The following HSPA14 variants were observed in gnomAD, a reference collection of about 807,000 sequenced individuals.
The protein encoded by HSPA14 is heat shock 70 kDa protein 14.
A neutral mutation model predicts 65.5 loss-of-function variants in HSPA14; 37 were observed. The observed-to-expected ratio is 0.56, with a 90% confidence interval of 0.43 to 0.74. The LOEUF (loss-of-function observed/expected upper bound fraction) is 0.74, where lower values mean the gene tolerates loss of function less well. HSPA14 is among the 30% of genes least tolerant of loss of function. HSPA14 has a pLI of 0.00. For synonymous variants in HSPA14, 203 were observed against 214.2 expected (o/e 0.95, Z 0.46); for missense variants, 564 against 607.6 (o/e 0.93, Z 0.75).
At chr10:14,861,285 A>T (rs978606552) in intron 10 of HSPA14, among the ~76,000 whole-genome samples, 1 of 152,120 alleles carries the variant, frequency 6.6e-6, no homozygotes, top group African/African-American at 2.4e-5. Flanking sequence ...TTTCTCTAAG[A>T]TGTGTCCCTT....
In HSPA14 at chr10:14,867,083, G is replaced by A. The variant is rs751249348; in HGVS notation, c.994G>A (p.Val332Ile). 5.6e-6 allele frequency: 9 copies of A among 1,607,596 alleles called. No homozygotes were observed. The highest frequency in any genetic ancestry group is 1.3e-5 in the African/African-American group (1 of 74,766). Residue 332 changes from valine to isoleucine, a missense_variant and splice_region_variant, in exon 11 of 14, where the codon GTT (valine) becomes ATT (isoleucine). Coordinates refer to ENST00000378372, the MANE Select transcript of HSPA14 (RefSeq NM_016299.4). The part of the protein sequence containing the change: ...NGFTADDINK[V>I]VLCGGSSRIP... Reference sequence around the variant, plus strand: ...ACTGAAAATTATTTTTATTCTCTAGGTTGTCCTTTGTGGAGGGTCTTCTCG... The same window carrying A: ...ACTGAAAATTATTTTTATTCTCTAGATTGTCCTTTGTGGAGGGTCTTCTCG...
chr10:14,849,038 G>A (rs1478366555), intron 5 of HSPA14, 143 bp downstream of exon 5: 3 of 541,806 alleles, frequency 5.5e-6, no homozygotes, highest in South Asian at 5.1e-5. Context: ...TGTCGACCTG[G>A]TTGGGGCACT....
At chr10:14,849,869 T>C (rs571245512) in intron 6 of HSPA14, 58 bp downstream of exon 6, 39 of 995,854 alleles carry the variant, frequency 3.9e-5, no homozygotes, top group African/African-American at 3.6e-4. Flanking sequence ...AGTCACTATA[T>C]AGTAAAAGGT....
intron 12 of HSPA14, among the ~76,000 whole-genome samples, chr10:14,869,695 T>TA (rs1832838285): frequency 6.6e-6 from 1 of 152,230 alleles, no homozygotes; most frequent in South Asian, 2.1e-4. Flanking sequence ...AATCTATTGG[T>TA]AAAGTTTTAA....
intron 11 of HSPA14, 63 bp from the exon 12 acceptor site, chr10:14,867,673 G>C (rs926762348): frequency 7.8e-6 from 11 of 1,406,282 alleles, no homozygotes; most frequent in Non-Finnish European, 9.7e-6. Flanking sequence ...TTTATAATGG[G>C]AAGTTTTTTT....
chr10:14,852,309 T>C, intron 7 of HSPA14, 61 bp from the exon 8 acceptor site: 2 of 1,376,546 alleles, frequency 1.5e-6, no homozygotes, highest in Admixed American at 1.9e-5. Context: ...AAGTGACTTC[T>C]AATATCCAAC....
At chr10:14,862,221 G>A (rs926888144) in intron 10 of HSPA14, among the ~76,000 whole-genome samples, 1 of 150,700 alleles carries the variant, frequency 6.6e-6, no homozygotes, top group East Asian at 2.0e-4. Flanking sequence ...GTAGAGATGG[G>A]GTTTCACCGT....
intron 13 of HSPA14, 126 bp from the exon 14 acceptor site, chr10:14,871,402 T>C (rs1232115393): frequency 1.6e-6 from 1 of 628,714 alleles, no homozygotes; most frequent in Non-Finnish European, 2.8e-6. Flanking sequence ...TTCTTTACAT[T>C]AATACCCTTC....
intron 3 of HSPA14, chr10:14,846,701 A>AT: frequency 8.2e-6 from 8 of 973,232 alleles, no homozygotes; most frequent in Non-Finnish European, 9.8e-6. Flanking sequence ...GAACAGATGA[A>AT]TGTATGAGCA....
At chr10:14,849,235 G>A (rs574162420) in intron 5 of HSPA14, among the ~76,000 whole-genome samples, 42 of 152,230 alleles carry the variant, frequency 2.8e-4, no homozygotes, top group Non-Finnish European at 4.8e-4. Flanking sequence ...GACTAAGTAG[G>A]TCTGATTTTA....
intron 3 of HSPA14, among the ~76,000 whole-genome samples, chr10:14,847,246 C>T (rs532893467): frequency 6.6e-6 from 1 of 152,308 alleles, no homozygotes; most frequent in African/African-American, 2.4e-5. Flanking sequence ...GGGTGGTAGA[C>T]AACCTACGCA....
intron 10 of HSPA14, among the ~76,000 whole-genome samples, chr10:14,861,976 C>T (rs570608281): frequency 2.0e-5 from 3 of 150,608 alleles, no homozygotes; most frequent in East Asian, 2.0e-4. Context: ...CACGCCATTG[C>T]ACTCCAGCCT....
chr10:14,868,968 T>A (rs1832830629), intron 12 of HSPA14, among the ~76,000 whole-genome samples: 1 of 152,096 alleles, frequency 6.6e-6, no homozygotes, highest in Admixed American at 6.6e-5. Flanking sequence ...TGCCTCAGCC[T>A]CCTGAGTAGC....
intron 10 of HSPA14, among the ~76,000 whole-genome samples, chr10:14,857,656 G>A (rs1475171763): frequency 6.6e-6 from 1 of 152,062 alleles, no homozygotes; most frequent in Non-Finnish European, 1.5e-5. Flanking sequence ...ATCATGCACA[G>A]CAGTCTTCCT....
At chr10:14,861,734 C>A (rs1435092403) in intron 10 of HSPA14, among the ~76,000 whole-genome samples, 1 of 152,064 alleles carries the variant, frequency 6.6e-6, no homozygotes, top group East Asian at 1.9e-4. Context: ...ATTTTATCAG[C>A]CAGGCTCGGT....
In HSPA14 at chr10:14,868,338, A is replaced by G. The variant is rs553134702; in HGVS notation, c.1380+429A>G. Among the ~76,000 whole-genome samples the G allele has an allele frequency of 3.5e-4, 54 of 152,294 alleles. 1 individual carries two copies. The highest frequency in any genetic ancestry group is 1.2e-3 in the African/African-American group (48 of 41,564). On this transcript the variant is annotated intron_variant, in intron 12 of 13. Coordinates refer to ENST00000378372, the MANE Select transcript of HSPA14 (RefSeq NM_016299.4). ...TTGGTTTCATTTCTGAGCCCATGAC[A>G]TGCTCTTCCCATTGTGCCATGCTGC...
At chr10:14,850,329 G>A (rs376142820) in intron 6 of HSPA14, among the ~76,000 whole-genome samples, 2 of 151,268 alleles carry the variant, frequency 1.3e-5, no homozygotes, top group Non-Finnish European at 2.9e-5. Flanking sequence ...CAGCTGTTTC[G>A]ATCGGAAACA....
At chr10:14,843,281 G>GT in intron 3 of HSPA14, 2 of 1,485,474 alleles carry the variant, frequency 1.3e-6, no homozygotes, top group Non-Finnish European at 1.8e-6. Context: ...AACAACCATA[G>GT]TTTTATAATT....
chr10:14,851,418 G>T, intron 7 of HSPA14, 95 bp downstream of exon 7: 1 of 738,600 alleles, frequency 1.4e-6, no homozygotes, highest in African/African-American at 1.8e-5. Context: ...GTAATGCAGT[G>T]GTTCCAAACC....
Sources: allele counts gnomAD v4.1 joint callset (sites outside exome capture counted in the v4.1 genomes callset), GRCh38; gene constraint gnomAD v4.1.1; transcripts MANE v1.5; gene names NCBI Gene and HGNC (gene_info 2026-07-23, HGNC 2026-07-21).